The following AFF1 variants were observed in gnomAD, a reference collection of about 807,000 sequenced individuals.
AFF1 encodes ALF transcription elongation factor 1.
Under a neutral mutation model 121.7 loss-of-function variants are expected in AFF1, and 48 were observed. The observed-to-expected ratio is 0.39, with a 90% CI of 0.31 to 0.50. The LOEUF (loss-of-function observed/expected upper bound fraction) is 0.50. AFF1 is among the 20% of genes least tolerant of loss of function. The pLI is 0.76. For synonymous variants in AFF1, 613 were observed against 563.0 expected (o/e 1.09, Z -1.26); for missense variants, 1,523 against 1,511.7 (o/e 1.01, Z -0.12).
At chr4:87,132,814 C>T (rs957554436) in intron 19 of AFF1, among the ~76,000 whole-genome samples, 3 of 152,238 alleles carry the variant, frequency 2.0e-5, no homozygotes, top group Admixed American at 6.5e-5. Flanking sequence ...CCTCAGCCTC[C>T]CGAGTAGCTG....
intron 4 of AFF1, among the ~76,000 whole-genome samples, chr4:87,073,999 G>A (rs1001507904): frequency 1.4e-5 from 2 of 141,572 alleles, no homozygotes; most frequent in African/African-American, 6.3e-5. Context: ...GTGCATGTGT[G>A]TGTAGGACTG....
At chr4:87,110,442 TTTTGTTTTGTTTTGTTTTGTTTTG>T (rs1560634634) in intron 11 of AFF1, among the ~76,000 whole-genome samples, 4 of 1,204 alleles carry the variant, frequency 3.3e-3, no homozygotes, top group Non-Finnish European at 0.014. Flanking sequence ...GTTCTGGTTT[TTTTGTTTTGTTTTGTTTTGTTTTG>T]TTTTGTTTTG....
chr4:87,025,800 T>C (rs1442505248), intron 2 of AFF1, among the ~76,000 whole-genome samples: 1 of 152,204 alleles, frequency 6.6e-6, no homozygotes, highest in Non-Finnish European at 1.5e-5. Flanking sequence ...CTAGTTCCTA[T>C]GCATGGGGAT....
chr4:86,949,862 G>A, intron 2 of AFF1: 1 of 1,614,012 alleles, frequency 6.2e-7, no homozygotes, highest in Non-Finnish European at 8.5e-7. Flanking sequence ...GTTGGGGCAG[G>A]ACACCAGCAG....
At chr4:86,984,466 C>T (rs528958608) in intron 2 of AFF1, among the ~76,000 whole-genome samples, 8 of 151,676 alleles carry the variant, frequency 5.3e-5, no homozygotes, top group African/African-American at 1.5e-4. Context: ...TGAGACTAGG[C>T]GCACGTCACC....
intron 1 of AFF1, among the ~76,000 whole-genome samples, chr4:86,942,939 A>T (rs1261753533): frequency 6.6e-6 from 1 of 152,232 alleles, no homozygotes; most frequent in Non-Finnish European, 1.5e-5. Context: ...TAATTTAAAC[A>T]GTTATTACTT....
At chr4:86,956,402 G>A (rs1560500318) in intron 2 of AFF1, among the ~76,000 whole-genome samples, 1 of 152,132 alleles carries the variant, frequency 6.6e-6, no homozygotes, top group Non-Finnish European at 1.5e-5. Context: ...CTGCTACATA[G>A]TATTTACTCT....
At chr4:87,111,360 T>C (rs1412167709) in intron 11 of AFF1, among the ~76,000 whole-genome samples, 2 of 151,700 alleles carry the variant, frequency 1.3e-5, no homozygotes, top group Non-Finnish European at 2.9e-5. Flanking sequence ...TTCATTTTTA[T>C]TTATTTTTAT....
intron 4 of AFF1, among the ~76,000 whole-genome samples, chr4:87,083,907 C>T (rs1167965062): frequency 6.6e-6 from 1 of 152,148 alleles, no homozygotes; most frequent in Non-Finnish European, 1.5e-5. Flanking sequence ...GGATCACAGG[C>T]ATGCACCACC....
At chr4:87,085,690 CTT>C (rs1375596266) in intron 5 of AFF1, among the ~76,000 whole-genome samples, 12 of 150,418 alleles carry the variant, frequency 8.0e-5, no homozygotes, top group Non-Finnish European at 1.2e-4. Context: ...GTTTCACAGT[CTT>C]TTGTCCCATT....
intron 2 of AFF1, among the ~76,000 whole-genome samples, chr4:87,005,652 A>C (rs755972274): frequency 6.6e-5 from 10 of 152,254 alleles, no homozygotes; most frequent in Non-Finnish European, 1.5e-4. Context: ...TCTTCTAGAC[A>C]GCCATTGTAC....
chr4:87,063,882 G>T (rs935857554), intron 4 of AFF1, among the ~76,000 whole-genome samples: 2 of 152,180 alleles, frequency 1.3e-5, no homozygotes, highest in Non-Finnish European at 1.5e-5. Flanking sequence ...TTACAGCTGT[G>T]CCTAGAAGTC....
intron 15 of AFF1, 152 bp from the exon 16 acceptor site, chr4:87,127,491 T>A: frequency 1.4e-6 from 1 of 707,208 alleles, no homozygotes; most frequent in African/African-American, 1.8e-5. Context: ...CTCCATTTCC[T>A]CCTCCCCTCC....
chr4:87,072,063 TAGA>T (rs1367287463), intron 4 of AFF1, among the ~76,000 whole-genome samples: 1 of 152,054 alleles, frequency 6.6e-6, no homozygotes, highest in African/African-American at 2.4e-5. Flanking sequence ...TATGAATGCT[TAGA>T]AGATTTTAAA....
chr4:87,053,524 A>G (rs1260957251), intron 4 of AFF1, among the ~76,000 whole-genome samples: 2 of 152,240 alleles, frequency 1.3e-5, no homozygotes, highest in Non-Finnish European at 2.9e-5. Flanking sequence ...GGACTTCCCT[A>G]TTATGAGATG....
intron 4 of AFF1, among the ~76,000 whole-genome samples, chr4:87,065,849 T>C (rs1459298059): frequency 2.0e-5 from 3 of 152,228 alleles, no homozygotes; most frequent in South Asian, 2.1e-4. Flanking sequence ...ATAAATGTTT[T>C]TGGTACTGAC....
At chr4:87,089,618 C>T (rs765537671) in intron 5 of AFF1, among the ~76,000 whole-genome samples, 1 of 152,168 alleles carries the variant, frequency 6.6e-6, no homozygotes, top group African/African-American at 2.4e-5. Context: ...AAGAATGCAT[C>T]GAGGAGAGAC....
At chr4:86,995,805 G>C (rs1725114128) in intron 2 of AFF1, among the ~76,000 whole-genome samples, 1 of 150,408 alleles carries the variant, frequency 6.6e-6, no homozygotes. Flanking sequence ...CTTCTGCCTG[G>C]CTGCCCAGTC....
intron 4 of AFF1, among the ~76,000 whole-genome samples, chr4:87,051,592 T>G (rs1026466290): frequency 5.3e-5 from 8 of 151,924 alleles, no homozygotes; most frequent in Non-Finnish European, 1.2e-4. Flanking sequence ...TTCCATGTAG[T>G]TGGAACTACA....
Sources: gnomAD v4.1 joint callset for allele counts (sites outside exome capture counted in the v4.1 genomes callset) on GRCh38, gnomAD v4.1.1 for gene constraint, MANE v1.5 for transcripts, NCBI Gene and HGNC (gene_info 2026-07-23, HGNC 2026-07-21) for gene names.